MMP16: variants seen among roughly 807,000 people sequenced by gnomAD.
MMP16 encodes the protein matrix metallopeptidase 16.
A neutral mutation model predicts 67.8 loss-of-function variants in MMP16; 12 were observed. The ratio of observed to expected loss-of-function variants is 0.18; its 90% CI spans 0.11 to 0.29. The LOEUF (loss-of-function observed/expected upper bound fraction) is 0.29. MMP16 is among the 10% of genes least tolerant of loss of function. The pLI is 1.00. For synonymous variants in MMP16, 249 were observed against 255.9 expected, an observed-to-expected ratio of 0.97 and a Z score of 0.26; for missense variants, 475 against 765.7, an observed-to-expected ratio of 0.62 and a Z score of 4.48.
intron 2 of MMP16, among the ~76,000 whole-genome samples, chr8:88,196,320 A>G (rs1406921038): frequency 6.6e-6 from 1 of 152,172 alleles, no homozygotes; most frequent in African/African-American, 2.4e-5. Context: ...AAAATTAATC[A>G]CTTCTTCCTT....
At chr8:88,217,921 C>T (rs1008253737) in intron 1 of MMP16, among the ~76,000 whole-genome samples, 4 of 152,004 alleles carry the variant, frequency 2.6e-5, no homozygotes, top group African/African-American at 9.7e-5. Context: ...ACTTGTTTCT[C>T]AATTTCCATC....
chr8:88,301,095 A>G (rs1811091853), intron 1 of MMP16, among the ~76,000 whole-genome samples: 1 of 152,214 alleles, frequency 6.6e-6, no homozygotes, highest in Admixed American at 6.5e-5. Flanking sequence ...TCTTGTACAA[A>G]AAACAGTATC....
intron 4 of MMP16, among the ~76,000 whole-genome samples, chr8:88,136,964 T>G (rs530844130): frequency 6.6e-6 from 1 of 152,012 alleles, no homozygotes; most frequent in East Asian, 1.9e-4. Context: ...TATGTTTGTG[T>G]ATGTGTTATA....
At chr8:88,221,638 T>TA (rs1809684730) in intron 1 of MMP16, among the ~76,000 whole-genome samples, 1 of 151,792 alleles carries the variant, frequency 6.6e-6, no homozygotes, top group South Asian at 2.1e-4. Flanking sequence ...ATTCTCAAAC[T>TA]AAAATAAAAT....
intron 4 of MMP16, among the ~76,000 whole-genome samples, chr8:88,154,545 T>G (rs1808472914): frequency 6.6e-6 from 1 of 151,496 alleles, no homozygotes. Flanking sequence ...CCATAAAAAA[T>G]GATGAGTTCA....
intron 8 of MMP16, among the ~76,000 whole-genome samples, chr8:88,055,740 ATTTAAC>A (rs1808323777): frequency 6.6e-6 from 1 of 152,236 alleles, no homozygotes; most frequent in African/African-American, 2.4e-5. Flanking sequence ...AAGTATAAAA[ATTTAAC>A]TTTGAGTGTG....
intron 6 of MMP16, among the ~76,000 whole-genome samples, chr8:88,114,265 G>A (rs1809392249): frequency 6.6e-6 from 1 of 151,428 alleles, no homozygotes; most frequent in African/African-American, 2.4e-5. Context: ...ATACTAGATA[G>A]TAACATGTCT....
At chr8:88,265,223 CTTTTT>C (rs398008661) in intron 1 of MMP16, among the ~76,000 whole-genome samples, 14 of 100,776 alleles carry the variant, frequency 1.4e-4, no homozygotes, top group East Asian at 2.7e-4. Context: ...TGACCATTTC[CTTTTT>C]TTTTTTTTTT....
At chr8:88,087,218 G>A (rs1269871835) in intron 6 of MMP16, among the ~76,000 whole-genome samples, 1 of 151,790 alleles carries the variant, frequency 6.6e-6, no homozygotes, top group Middle Eastern at 3.2e-3. Context: ...AAGTAGGCTG[G>A]CCAATGTGCC....
At chr8:88,163,573 A>G (rs55862922) in intron 4 of MMP16, among the ~76,000 whole-genome samples, 12,239 of 152,094 alleles carry the variant, frequency 0.08, 531 homozygotes, top group African/African-American at 0.11. Flanking sequence ...TTATTTTAAT[A>G]GATAACCTGC....
At chr8:88,159,320 T>C (rs1808571861) in intron 4 of MMP16, among the ~76,000 whole-genome samples, 1 of 152,208 alleles carries the variant, frequency 6.6e-6, no homozygotes, top group Non-Finnish European at 1.5e-5. Context: ...CTTCCATTTG[T>C]TTGTGTCCTC....
At chr8:88,231,487 G>C (rs928896894) in intron 1 of MMP16, among the ~76,000 whole-genome samples, 2 of 152,128 alleles carry the variant, frequency 1.3e-5, no homozygotes, top group Non-Finnish European at 2.9e-5. Flanking sequence ...AGGTGCTGAC[G>C]AGGACCTATC....
At chr8:88,246,764 T>C (rs1810119292) in intron 1 of MMP16, among the ~76,000 whole-genome samples, 1 of 152,180 alleles carries the variant, frequency 6.6e-6, no homozygotes, top group African/African-American at 2.4e-5. Flanking sequence ...ACATATGTGA[T>C]ACTATTTAAT....
chr8:88,213,978 T>G (rs1809550095), intron 1 of MMP16, among the ~76,000 whole-genome samples: 1 of 152,194 alleles, frequency 6.6e-6, no homozygotes, highest in African/African-American at 2.4e-5. Flanking sequence ...GTACTACTAG[T>G]AATTCAACCT....
At position 88,046,794 on chromosome 8, in the gene MMP16, A is replaced by G; in HGVS notation, c.1374-10T>C. 2.6e-6 allele frequency: 4 copies of G among 1,536,056 alleles called. No homozygotes were observed. The highest frequency in any genetic ancestry group is 3.6e-6 in the Non-Finnish European group (4 of 1,124,964). ...ACTATATCTCCAATATCTACAAAGG[A>G]TAAAAACAACAACAACAAACACAAT... On this transcript the variant is annotated splice_polypyrimidine_tract_variant and intron_variant, in intron 8 of 9. Transcript: ENST00000286614.
Position 88,118,743 on chromosome 8 carries a change from G to A in MMP16, c.828C>T (p.Phe276=). The A allele has an allele frequency of 6.2e-7, 1 of 1,613,410 alleles. No homozygotes were observed. Among genetic ancestry groups the A allele is most frequent in the Non-Finnish European group, 8.5e-7 (1 of 1,179,548 alleles). ...CCTGTAAATCATCATTAGGTAGTTT[G>A]AAGTTGTCTGTTTCCATGTACTGGT... is the stretch of plus-strand genomic sequence containing the variant. The part of the protein sequence containing the change: ...PFYQYMETDN[F]KLPNDDLQGI... The change falls in exon 5 of 10, where the codon TTC becomes TTT. Residue 276 remains phenylalanine (F), a synonymous_variant. Transcript: ENST00000286614.
intron 1 of MMP16, among the ~76,000 whole-genome samples, chr8:88,203,034 C>A (rs532737874): frequency 6.6e-6 from 1 of 151,662 alleles, no homozygotes; most frequent in South Asian, 2.1e-4. Context: ...AGAAATTAAT[C>A]TCAATTAAAC....
intron 1 of MMP16, among the ~76,000 whole-genome samples, chr8:88,228,122 C>T (rs371617460): frequency 2.6e-5 from 4 of 152,148 alleles, no homozygotes; most frequent in Non-Finnish European, 4.4e-5. Context: ...ACATTACAAT[C>T]GTCAATGCTA....
At chr8:88,174,424 A>C (rs555348652) in intron 3 of MMP16, among the ~76,000 whole-genome samples, 2 of 152,292 alleles carry the variant, frequency 1.3e-5, no homozygotes, top group South Asian at 4.1e-4. Context: ...CACTGTCATG[A>C]AAAAAAGTTT....
Sources: allele counts gnomAD v4.1 joint callset (sites outside exome capture counted in the v4.1 genomes callset), GRCh38; gene constraint gnomAD v4.1.1; transcripts MANE v1.5; gene names NCBI Gene and HGNC (gene_info 2026-07-23, HGNC 2026-07-21).